The following MAP3K5 variants were observed in gnomAD, a reference collection of about 807,000 sequenced individuals.
MAP3K5 encodes the protein ASK-1.
A neutral mutation model predicts 158.7 loss-of-function variants in MAP3K5; 56 were observed. The ratio of observed to expected loss-of-function variants is 0.35; its 90% CI spans 0.28 to 0.44. MAP3K5 has a LOEUF of 0.44. Among genes scored for constraint, MAP3K5 ranks in the 20% least tolerant of loss-of-function variants. The pLI is 1.00. For missense variants in MAP3K5, 1,294 were observed against 1,674.8 expected (o/e 0.77, Z 3.97); for synonymous variants, 579 against 601.7 (o/e 0.96, Z 0.55).
chr6:136,738,565 C>T (rs1570055), intron 1 of MAP3K5, among the ~76,000 whole-genome samples: 55,166 of 152,050 alleles, frequency 0.36, 11,954 homozygotes, highest in Middle Eastern at 0.49. Context: ...ATCACCACAG[C>T]AACAGACAGT....
chr6:136,662,724 C>T (rs1325512325), intron 8 of MAP3K5, among the ~76,000 whole-genome samples: 2 of 152,214 alleles, frequency 1.3e-5, no homozygotes, highest in African/African-American at 2.4e-5. Context: ...TTAGGCTCTT[C>T]ATCCATACAG....
intron 25 of MAP3K5, among the ~76,000 whole-genome samples, chr6:136,568,174 A>C (rs1040975394): frequency 6.6e-6 from 1 of 152,234 alleles, no homozygotes; most frequent in Non-Finnish European, 1.5e-5. Flanking sequence ...AAATGCTAGG[A>C]ATCTGAAAGA....
chr6:136,746,661 A>C (rs977469450), intron 1 of MAP3K5, among the ~76,000 whole-genome samples: 13 of 152,192 alleles, frequency 8.5e-5, no homozygotes, highest in Non-Finnish European at 1.3e-4. Flanking sequence ...GGGAAAAAAA[A>C]CAATTTGAGT....
intron 15 of MAP3K5, among the ~76,000 whole-genome samples, chr6:136,614,946 TAATCCTC>T (rs1776500633): frequency 6.6e-6 from 1 of 152,244 alleles, no homozygotes; most frequent in Non-Finnish European, 1.5e-5. Context: ...GATTTTTACC[TAATCCTC>T]ATGAAGCCTC....
At chr6:136,655,971 G>A (rs547625382) in intron 10 of MAP3K5, among the ~76,000 whole-genome samples, 13 of 152,204 alleles carry the variant, frequency 8.5e-5, no homozygotes, top group African/African-American at 1.9e-4. Flanking sequence ...CTGTGTCAAC[G>A]TGACTGCAGT....
intron 4 of MAP3K5, 125 bp from the exon 5 acceptor site, chr6:136,697,512 T>C: frequency 3.0e-6 from 2 of 676,430 alleles, no homozygotes; most frequent in Non-Finnish European, 2.4e-6. Context: ...AGTTTTCAGT[T>C]CATTCAGATG....
At chr6:136,752,256 T>A (rs1189561448) in intron 1 of MAP3K5, among the ~76,000 whole-genome samples, 8 of 152,172 alleles carry the variant, frequency 5.3e-5, no homozygotes, top group Admixed American at 3.9e-4. Flanking sequence ...AGGAGACTTT[T>A]AAGCACACCA....
intron 2 of MAP3K5, among the ~76,000 whole-genome samples, chr6:136,718,177 A>G: frequency 6.6e-6 from 1 of 152,002 alleles, no homozygotes; most frequent in Non-Finnish European, 1.5e-5. Context: ...CATCTTACAG[A>G]GCTCTTTTAA....
chr6:136,583,761 T>G (rs769772709), intron 23 of MAP3K5, 21 bp from the exon 24 acceptor site: 1 of 1,608,434 alleles, frequency 6.2e-7, no homozygotes, highest in Non-Finnish European at 8.5e-7. Context: ...AAATCAACAA[T>G]CCTTACATCA....
At chr6:136,637,508 G>T in intron 13 of MAP3K5, 102 bp from the exon 14 acceptor site, 1 of 755,360 alleles carries the variant, frequency 1.3e-6, no homozygotes. Context: ...AGAGCTAAGA[G>T]AGTCTCCAGA....
intron 25 of MAP3K5, among the ~76,000 whole-genome samples, chr6:136,575,011 T>C (rs556012788): frequency 6.6e-6 from 1 of 152,142 alleles, no homozygotes; most frequent in East Asian, 1.9e-4. Flanking sequence ...TTTTAACTTT[T>C]TATTTTGAAA....
At chr6:136,681,048 T>G (rs1319328191) in intron 7 of MAP3K5, among the ~76,000 whole-genome samples, 1 of 152,358 alleles carries the variant, frequency 6.6e-6, no homozygotes, top group East Asian at 1.9e-4. Flanking sequence ...TGCTGTCAGA[T>G]GGAACCACGA....
chr6:136,691,216 T>C (rs549904133), intron 7 of MAP3K5, among the ~76,000 whole-genome samples: 78 of 152,348 alleles, frequency 5.1e-4, no homozygotes, highest in South Asian at 1.9e-3. Flanking sequence ...TATTTGTTTG[T>C]TTGTTTGAAC....
At chr6:136,583,868 G>GT in intron 23 of MAP3K5, 128 bp from the exon 24 acceptor site, 3 of 779,374 alleles carry the variant, frequency 3.8e-6, no homozygotes, top group South Asian at 3.8e-5. Flanking sequence ...TCACTATATT[G>GT]CCCAGGCTGG....
chr6:136,722,253 T>A (rs999303100), intron 1 of MAP3K5, among the ~76,000 whole-genome samples: 1 of 152,174 alleles, frequency 6.6e-6, no homozygotes, highest in African/African-American at 2.4e-5. Context: ...GCAATTGCAA[T>A]AAACATTTAG....
chr6:136,638,955 A>T (rs1353033684), intron 13 of MAP3K5, among the ~76,000 whole-genome samples: 1 of 152,252 alleles, frequency 6.6e-6, no homozygotes, highest in African/African-American at 2.4e-5. Flanking sequence ...GAAGAATTTA[A>T]TTATTAGCCC....
intron 8 of MAP3K5, among the ~76,000 whole-genome samples, chr6:136,665,442 G>A (rs762958952): frequency 3.3e-5 from 5 of 151,920 alleles, no homozygotes; most frequent in Non-Finnish European, 5.9e-5. Context: ...CGTCTCCTGG[G>A]TTCAAGCGAT....
chr6:136,698,640 G>C lies in MAP3K5; in HGVS notation c.655C>G (p.Pro219Ala). The C allele has an allele frequency of 6.2e-7, 1 of 1,613,980 alleles. No homozygotes were observed. Among genetic ancestry groups the C allele is most frequent in the Non-Finnish European group, 8.5e-7 (1 of 1,179,940 alleles). ...NYTFVPYMITPHNKVYCCDSS... is the reference protein window; with the variant it reads ...NYTFVPYMITAHNKVYCCDSS... ...TCACAGCAGTAGACTTTGTTATGTG[G>C]AGTTATCATGTAAGGAACAAAGGTG... The change falls in exon 4 of 30, where the codon CCA becomes GCA. Residue 219 changes from proline (P) to alanine (A), a missense_variant. Physicochemically the swap from Pro to Ala is conservative, Grantham distance 27 (BLOSUM62 -1). Transcript: ENST00000359015.
intron 2 of MAP3K5, among the ~76,000 whole-genome samples, chr6:136,705,507 T>A (rs1041223608): frequency 5.9e-5 from 9 of 152,118 alleles, no homozygotes; most frequent in South Asian, 2.1e-4. Context: ...GATCTCACTA[T>A]GTTGCTCAGG....
Sources: gnomAD v4.1 joint callset for allele counts (sites outside exome capture counted in the v4.1 genomes callset) on GRCh38, gnomAD v4.1.1 for gene constraint, MANE v1.5 for transcripts, NCBI Gene and HGNC (gene_info 2026-07-23, HGNC 2026-07-21) for gene names.